The following SCAPER variants were observed in gnomAD, a reference collection of about 807,000 sequenced individuals.
SCAPER encodes the protein S-phase cyclin A associated protein in the ER.
A neutral mutation model predicts 182.2 loss-of-function variants in SCAPER; 98 were observed. The observed-to-expected ratio is 0.54, with a 90% CI of 0.46 to 0.64. SCAPER has a LOEUF of 0.64. SCAPER is among the 30% of genes least tolerant of loss of function. The pLI, the probability that SCAPER is intolerant of heterozygous loss-of-function variation, is 0.00. For missense variants in SCAPER, 1,432 were observed against 1,690.0 expected (o/e 0.85, Z 2.68); for synonymous variants, 605 against 564.6 (o/e 1.07, Z -1.01).
chr15:76,602,052 G>A (rs187185279), intron 22 of SCAPER, among the ~76,000 whole-genome samples: 1 of 121,578 alleles, frequency 8.2e-6, no homozygotes, highest in African/African-American at 2.5e-5. Flanking sequence ...CATTGGGCTT[G>A]GGTAGTTCAA....
chr15:76,638,059 A>G (rs926425539), intron 21 of SCAPER, among the ~76,000 whole-genome samples: 3 of 151,962 alleles, frequency 2.0e-5, no homozygotes, highest in African/African-American at 7.3e-5. Flanking sequence ...TTCATTACCA[A>G]TATCTTTTAC....
chr15:76,636,668 C>T (rs2053630582), intron 21 of SCAPER, among the ~76,000 whole-genome samples: 1 of 152,140 alleles, frequency 6.6e-6, no homozygotes, highest in Non-Finnish European at 1.5e-5. Context: ...GTCTTCAAGG[C>T]TGCTGTTGAG....
intron 24 of SCAPER, among the ~76,000 whole-genome samples, chr15:76,492,439 G>A (rs981676758): frequency 6.6e-6 from 1 of 152,010 alleles, no homozygotes; most frequent in Non-Finnish European, 1.5e-5. Context: ...TTTTTCCAAT[G>A]GAGTCTCATT....
At chr15:76,466,840 G>T (rs1389977028) in intron 25 of SCAPER, among the ~76,000 whole-genome samples, 1 of 152,018 alleles carries the variant, frequency 6.6e-6, no homozygotes, top group Non-Finnish European at 1.5e-5. Context: ...TCTTATTCAA[G>T]TGATCATAAT....
chr15:76,488,714 C>CTTTTTTTTTTTTTTTGTTTTTTTTTT (rs2051926098), intron 24 of SCAPER, among the ~76,000 whole-genome samples: 1 of 93,144 alleles, frequency 1.1e-5, no homozygotes, highest in Non-Finnish European at 2.0e-5. Context: ...AGTACACTGC[C>CTTTTTTTTTTTTTTTGTTTTTTTTTT]TTTTTTTTTT....
intron 23 of SCAPER, among the ~76,000 whole-genome samples, chr15:76,505,220 G>A (rs2041472053): frequency 6.6e-6 from 1 of 152,106 alleles, no homozygotes; most frequent in Non-Finnish European, 1.5e-5. Flanking sequence ...GCAAGCACAG[G>A]CAACCAAAGC....
chr15:76,881,975 G>A (rs1368263791), intron 2 of SCAPER, among the ~76,000 whole-genome samples: 2 of 152,182 alleles, frequency 1.3e-5, no homozygotes, highest in Non-Finnish European at 2.9e-5. Flanking sequence ...AATGAACACT[G>A]TTTTATAGTT....
intron 17 of SCAPER, among the ~76,000 whole-genome samples, chr15:76,709,865 A>G (rs1333980280): frequency 1.3e-5 from 2 of 152,228 alleles, no homozygotes; most frequent in African/African-American, 4.8e-5. Context: ...TTATCTTAAT[A>G]TCCAAAAATT....
chr15:76,611,345 T>C (rs953479166), intron 22 of SCAPER, among the ~76,000 whole-genome samples: 1 of 151,932 alleles, frequency 6.6e-6, no homozygotes, highest in Non-Finnish European at 1.5e-5. Context: ...AATTGATAAA[T>C]TCCTGGACAC....
chr15:76,766,097 A>ATTTG (rs2063097520), intron 11 of SCAPER, among the ~76,000 whole-genome samples: 1 of 151,510 alleles, frequency 6.6e-6, no homozygotes, highest in Non-Finnish European at 1.5e-5. Flanking sequence ...TTATTTATTT[A>ATTTG]TTTATTTATT....
chr15:76,676,197 C>T (rs1175627847), intron 20 of SCAPER, among the ~76,000 whole-genome samples: 1 of 152,190 alleles, frequency 6.6e-6, no homozygotes. Context: ...GAACTCTGCT[C>T]AGAACCTTAG....
At chr15:76,480,207 T>C (rs2050996556) in intron 24 of SCAPER, among the ~76,000 whole-genome samples, 1 of 152,248 alleles carries the variant, frequency 6.6e-6, no homozygotes, top group Non-Finnish European at 1.5e-5. Context: ...AATGCATATG[T>C]AATTTACTGA....
chr15:76,882,807 G>A (rs554038565), intron 2 of SCAPER, among the ~76,000 whole-genome samples: 1 of 152,298 alleles, frequency 6.6e-6, no homozygotes, highest in African/African-American at 2.4e-5. Flanking sequence ...TGGGACTACA[G>A]GCGCCCACCA....
intron 23 of SCAPER, among the ~76,000 whole-genome samples, chr15:76,550,346 C>T (rs1324925329): frequency 6.6e-6 from 1 of 152,188 alleles, no homozygotes; most frequent in African/African-American, 2.4e-5. Context: ...GATGCTCTCC[C>T]TCCCCGACCC....
chr15:76,507,620 T>C (rs527333076), intron 23 of SCAPER, among the ~76,000 whole-genome samples: 59 of 152,292 alleles, frequency 3.9e-4, no homozygotes, highest in African/African-American at 1.3e-3. Flanking sequence ...ACGTATCAAT[T>C]ATTGTCTCCA....
intron 23 of SCAPER, among the ~76,000 whole-genome samples, chr15:76,518,425 T>C (rs2042599575): frequency 6.6e-6 from 1 of 152,160 alleles, no homozygotes; most frequent in Non-Finnish European, 1.5e-5. Context: ...AGTCTTTAGA[T>C]GAGGCACAAG....
chr15:76,788,103 GA>G (rs2064746147), intron 8 of SCAPER, among the ~76,000 whole-genome samples: 2 of 152,282 alleles, frequency 1.3e-5, no homozygotes, highest in South Asian at 4.1e-4. Flanking sequence ...AGTCATTAAA[GA>G]AATGCAAATT....
In SCAPER at chr15:76,601,446, G is replaced by A. The variant is rs141122419; in HGVS notation, c.2711+20318C>T. Among the ~76,000 whole-genome samples, 22 of 121,054 alleles carry A rather than the reference G, an allele frequency of 1.8e-4. 4 individuals carry two copies. In the East Asian group the frequency reaches 3.5e-3, roughly 19 times the overall value. 79.4% of individuals were successfully genotyped at this position (121,054 alleles called of 152,430 possible). A position where few individuals can be genotyped will look rare whatever the true frequency, so the allele number is the denominator to read the frequency against. The stretch of plus-strand genomic sequence containing the variant: ...TAAATACACAAATATTTATCATTTT[G>A]TTACAATTGCCTGTAGTATTCATTA... On this transcript the variant is annotated intron_variant, in intron 22 of 31. Transcript: ENST00000563290.
At chr15:76,900,570 G>A (rs1332209012) in intron 1 of SCAPER, among the ~76,000 whole-genome samples, 2 of 152,152 alleles carry the variant, frequency 1.3e-5, no homozygotes, top group Non-Finnish European at 2.9e-5. Flanking sequence ...GTCTGAACAA[G>A]TTCCTGCCTT....
Sources: allele counts gnomAD v4.1 joint callset (sites outside exome capture counted in the v4.1 genomes callset), GRCh38; gene constraint gnomAD v4.1.1; transcripts MANE v1.5; gene names NCBI Gene and HGNC (gene_info 2026-07-23, HGNC 2026-07-21).